Variants in PRSS23 observed in about 807,000 individuals in gnomAD.
The protein encoded by PRSS23 is protease, serine 23.
A neutral mutation model predicts 34.7 loss-of-function variants in PRSS23; 25 were observed. The ratio of observed to expected loss-of-function variants is 0.72; its 90% CI spans 0.53 to 1.01. The LOEUF (loss-of-function observed/expected upper bound fraction) is 1.01. PRSS23 is among the 50% of genes least tolerant of loss of function. The pLI is 0.00. For missense variants in PRSS23, 445 were observed against 475.6 expected, an observed-to-expected ratio of 0.94 and a Z score of 0.60; for synonymous variants, 176 against 186.6, an observed-to-expected ratio of 0.94 and a Z score of 0.46.
At chr11:86,940,287 T>G (rs977880207) in intron 2 of PRSS23, among the ~76,000 whole-genome samples, 1 of 152,188 alleles carries the variant, frequency 6.6e-6, no homozygotes, top group Non-Finnish European at 1.5e-5. Flanking sequence ...ATCTTTAGTT[T>G]GCAACGTAGG....
In PRSS23 at chr11:86,945,410, A is replaced by G. The variant is rs149696251; in HGVS notation, c.207-5806A>G. 7.7e-4 allele frequency among the ~76,000 whole-genome samples: 117 copies of G among 151,734 alleles called. No homozygotes were observed. The East Asian group carries it at 0.022, about 28-fold the overall frequency. On this transcript the variant is annotated intron_variant, in intron 2 of 2. Transcript: ENST00000533902. ...TCATTGGGATAACAACTTGAGAACT[A>G]TAGTTATATCCAAAGCATCATGTGA...
At chr11:86,857,820 G>C in intron 2 of PRSS23, 7 of 741,312 alleles carry the variant, frequency 9.4e-6, no homozygotes, top group South Asian at 5.4e-5. Context: ...CCCAGGACAG[G>C]TTGGAGAGGA....
At chr11:86,805,061 A>C (rs921182070) in intron 1 of PRSS23, among the ~76,000 whole-genome samples, 1 of 152,164 alleles carries the variant, frequency 6.6e-6, no homozygotes. Flanking sequence ...TCACATTAAC[A>C]TTCCCCACAT....
Position 86,808,883 on chromosome 11 carries a change from C to A in PRSS23, c.*88C>A. 3 of 887,436 alleles carry A rather than the reference C, an allele frequency of 3.4e-6. No individual in the cohort carries two copies. The highest frequency in any genetic ancestry group is 5.3e-6 in the Non-Finnish European group (3 of 569,540). 55.0% of individuals were successfully genotyped at this position (887,436 alleles called of 1,614,324 possible). ...TTGTTTTTTGTCATTGGCGTGCACACGTGTGTGTGTGTGTGTGTGTGTGTG... is the reference window on the plus strand; with the variant it reads ...TTGTTTTTTGTCATTGGCGTGCACAAGTGTGTGTGTGTGTGTGTGTGTGTG... On this transcript the variant is annotated 3_prime_UTR_variant, in exon 2 of 2. Transcript: ENST00000280258.
At chr11:86,874,859 C>G (rs1329555407) in intron 2 of PRSS23, among the ~76,000 whole-genome samples, 1 of 152,172 alleles carries the variant, frequency 6.6e-6, no homozygotes, top group African/African-American at 2.4e-5. Context: ...CATCTGGAGG[C>G]TTCTTCACTG....
intron 2 of PRSS23, among the ~76,000 whole-genome samples, chr11:86,923,583 A>C (rs570318387): frequency 1.4e-4 from 21 of 152,306 alleles, no homozygotes; most frequent in Admixed American, 3.9e-4. Flanking sequence ...AAAGTTATAC[A>C]AGCTCTACAA....
chr11:86,873,160 A>C (rs1948696420), intron 2 of PRSS23, among the ~76,000 whole-genome samples: 1 of 150,504 alleles, frequency 6.6e-6, no homozygotes. Context: ...CAACCTTGTG[A>C]TTTGCACACA....
intron 2 of PRSS23, among the ~76,000 whole-genome samples, chr11:86,829,339 C>T (rs1948331176): frequency 6.6e-6 from 1 of 152,218 alleles, no homozygotes; most frequent in Non-Finnish European, 1.5e-5. Context: ...TGGCTTTCAG[C>T]TCCGTCAGCT....
intron 1 of PRSS23, chr11:86,821,398 G>T: frequency 7.4e-7 from 1 of 1,355,894 alleles, no homozygotes; most frequent in Non-Finnish European, 1.0e-6. Flanking sequence ...TAACCCTGCT[G>T]GGAAAACATT....
In PRSS23 at chr11:86,811,222, T is replaced by C. The variant is rs1254645913; in HGVS notation, c.*2427T>C. On this transcript the variant is annotated 3_prime_UTR_variant, in exon 2 of 2. Coordinates refer to ENST00000280258, the MANE Select transcript of PRSS23 (RefSeq NM_007173.6). ...AAAATCTGCATTTAAATAAACATCT[T>C]TGATCACAAAACCCTTGTTTTCTCA... 4.2e-5 allele frequency: 7 copies of C among 166,848 alleles called. No individual in the cohort carries two copies. The Admixed American group carries it at 4.6e-4, about 11-fold the overall frequency. The allele number at this position is 166,848 out of a possible 1,614,324, so 10.3% of individuals were successfully genotyped here.
intron 2 of PRSS23, among the ~76,000 whole-genome samples, chr11:86,879,486 CGGG>C (rs1948753729): frequency 7.9e-6 from 1 of 126,992 alleles, no homozygotes; most frequent in Non-Finnish European, 1.7e-5. Flanking sequence ...CCGCCCCGTC[CGGG>C]AGGGAGGTGG....
In PRSS23 at chr11:86,808,136, G is replaced by A. The variant is rs775468056; in HGVS notation, c.493G>A (p.Val165Met). The stretch of plus-strand genomic sequence containing the variant: ...ATCCACGGGCTGCACCGGCACCCTG[G>A]TGGCAGAGAAGCATGTCCTCACAGC... ...KLSTGCTGTL[V>M]AEKHVLTAAH... Residue 165 changes from valine to methionine, a missense_variant, in exon 2 of 2, where the codon GTG becomes ATG. Transcript: ENST00000280258. 1 of 1,614,192 alleles carries A rather than the reference G, an allele frequency of 6.2e-7. No homozygotes were observed. Among genetic ancestry groups the A allele is most frequent in the South Asian group, 1.1e-5 (1 of 91,084 alleles).
chr11:86,925,656 T>A (rs1004956885), intron 2 of PRSS23, among the ~76,000 whole-genome samples: 13 of 152,204 alleles, frequency 8.5e-5, no homozygotes, highest in African/African-American at 3.1e-4. Context: ...AAGAGCATAT[T>A]TTGTGCTTGT....
At chr11:86,899,086 A>G (rs1053294816) in intron 2 of PRSS23, among the ~76,000 whole-genome samples, 1 of 152,114 alleles carries the variant, frequency 6.6e-6, no homozygotes. Flanking sequence ...TTGTCCCACA[A>G]CCTTCAAACC....
At chr11:86,904,461 C>T (rs1948929838) in intron 2 of PRSS23, among the ~76,000 whole-genome samples, 1 of 152,156 alleles carries the variant, frequency 6.6e-6, no homozygotes, top group Non-Finnish European at 1.5e-5. Flanking sequence ...ATCCTTCTAA[C>T]TCCCACAAGT....
At chr11:86,866,700 A>G (rs1303935140) in intron 2 of PRSS23, among the ~76,000 whole-genome samples, 1 of 152,102 alleles carries the variant, frequency 6.6e-6, no homozygotes, top group Non-Finnish European at 1.5e-5. Context: ...GCCTAATGAG[A>G]GGTATTTGGG....
upstream of PRSS23, among the ~76,000 whole-genome samples, chr11:86,796,600 C>T (rs1345718457): frequency 7.0e-6 from 1 of 142,052 alleles, no homozygotes; most frequent in Non-Finnish European, 1.5e-5. Flanking sequence ...GAGATCGCGC[C>T]ACTGCACTCC....
rs184015907 is a variant in PRSS23 at position 86,848,818 on chromosome 11, T to A, written c.206+25225T>A. Among the ~76,000 whole-genome samples, 343 of 152,268 alleles carry A rather than the reference T, an allele frequency of 2.3e-3. 3 individuals are homozygous for A. Among genetic ancestry groups the A allele is most frequent in the African/African-American group, 7.8e-3 (323 of 41,572 alleles). On this transcript the variant is annotated intron_variant, in intron 2 of 2. Coordinates refer to the PRSS23 transcript ENST00000533902. Reference sequence around the variant, plus strand: ...TAAGAGAAAGGCTGCAGCCTTAGTCTTGGCTCTCAGACAGGCAGACCTTGG... The same window carrying A: ...TAAGAGAAAGGCTGCAGCCTTAGTCATGGCTCTCAGACAGGCAGACCTTGG...
chr11:86,816,975 A>G (rs1948218959), intron 1 of PRSS23, among the ~76,000 whole-genome samples: 1 of 152,246 alleles, frequency 6.6e-6, no homozygotes. Flanking sequence ...TGAAAATCTA[A>G]TTATTTATAA....
Sources: allele counts gnomAD v4.1 joint callset (sites outside exome capture counted in the v4.1 genomes callset), GRCh38; gene constraint gnomAD v4.1.1; transcripts MANE v1.5; gene names NCBI Gene and HGNC (gene_info 2026-07-23, HGNC 2026-07-21).